The following CGAS variants were observed in gnomAD, a reference collection of about 807,000 sequenced individuals.
CGAS encodes the protein 2'3'-cGAMP synthase.
CGAS carries 31 observed loss-of-function variants against 34.0 expected under a neutral mutation model. That is an observed-to-expected ratio of 0.91 (90% CI 0.69 to 1.23). The LOEUF (loss-of-function observed/expected upper bound fraction) is 1.23. Ranked by LOEUF, CGAS falls within the 50% of genes most tolerant of loss-of-function variation. CGAS has a pLI of 0.00. For missense variants in CGAS, 597 were observed against 657.6 expected, an observed-to-expected ratio of 0.91 and a Z score of 1.01; for synonymous variants, 266 against 260.0, an observed-to-expected ratio of 1.02 and a Z score of -0.22.
At chr6:73,448,616 G>A (rs867871858) in intron 1 of CGAS, among the ~76,000 whole-genome samples, 5 of 151,976 alleles carry the variant, frequency 3.3e-5, no homozygotes, top group African/African-American at 1.2e-4. Flanking sequence ...GTCCCAGGTA[G>A]CTGGGACTAC....
rs138336535 is a variant in CGAS, at chr6:73,452,215, C to T, written c.-34G>A. On this transcript the variant is annotated 5_prime_UTR_variant, in exon 1 of 5. Transcript: ENST00000370315. ...CTTTCTGTTCCCCGAAAGAAGAATC[C>T]GTTTCAGGAAAAGGCCGCAAGAGGA... 315 of 1,568,026 alleles carry T rather than the reference C, an allele frequency of 2.0e-4. No homozygotes were observed. The African/African-American group carries it at 3.9e-3, about 19-fold the overall frequency.
At chr6:73,430,947 C>T (rs4706539) in intron 3 of CGAS, among the ~76,000 whole-genome samples, 18,432 of 151,690 alleles carry the variant, frequency 0.12, 2,024 homozygotes, top group African/African-American at 0.29. Context: ...ACTAAAAATA[C>T]AAAAATTAGC....
chr6:73,438,504 T>C (rs1174239684), intron 3 of CGAS, among the ~76,000 whole-genome samples: 1 of 152,104 alleles, frequency 6.6e-6, no homozygotes, highest in Non-Finnish European at 1.5e-5. Context: ...GAGACCATCC[T>C]GGCCAACATA....
At chr6:73,447,651 G>T (rs1386646065) in intron 1 of CGAS, among the ~76,000 whole-genome samples, 2 of 151,992 alleles carry the variant, frequency 1.3e-5, no homozygotes, top group Non-Finnish European at 2.9e-5. Flanking sequence ...CTCACAGATA[G>T]ATCATAGTGT....
chr6:73,452,178 G>A lies in CGAS; in HGVS notation c.4C>T (p.Gln2Ter). The A allele has an allele frequency of 6.2e-7, 1 of 1,600,600 alleles. No individual in the cohort carries two copies. Among genetic ancestry groups the A allele is most frequent in the East Asian group, 2.3e-5 (1 of 44,144 alleles). ...TGCATGGCCTTTCCGTGCCAAGGCTGCATGGCTGGCGCTTTCTGTTCCCCG... is the reference window on the plus strand; with the variant it reads ...TGCATGGCCTTTCCGTGCCAAGGCTACATGGCTGGCGCTTTCTGTTCCCCG... M[Q>*]PWHGKAMQRA... Residue 2 changes from glutamine (Q) to a stop codon, truncating the protein, a stop_gained, in exon 1 of 5, where the codon CAG (glutamine) becomes TAG (stop). Transcript: ENST00000370315. LOFTEE classifies it high-confidence loss of function.
chr6:73,429,771 A>G (rs1770160018), intron 3 of CGAS, among the ~76,000 whole-genome samples: 1 of 151,962 alleles, frequency 6.6e-6, no homozygotes, highest in Admixed American at 6.6e-5. Flanking sequence ...GCTTGCAGTG[A>G]GCGGAGATCG....
Position 73,425,593 on chromosome 6 carries a change from A to G in CGAS, c.1218-15T>C, listed in dbSNP as rs1770072578. The G allele has an allele frequency of 6.6e-7, 1 of 1,504,524 alleles. No homozygotes were observed. The highest frequency in any genetic ancestry group is 2.3e-5 in the East Asian group (1 of 44,340). 93.2% of individuals were successfully genotyped at this position (1,504,524 alleles called of 1,614,324 possible). A position where few individuals can be genotyped will look rare whatever the true frequency, so the allele number is the denominator to read the frequency against. ...AACAATCTTTCCTGTTGAATAAAAA[A>G]GGAAAACACTTATTTTTACTTATTT... On this transcript the variant is annotated splice_polypyrimidine_tract_variant and intron_variant, in intron 4 of 4. Coordinates refer to ENST00000370315, the MANE Select transcript of CGAS (RefSeq NM_138441.3).
rs780985384 is a variant in CGAS at position 73,445,565 on chromosome 6, A to C, written c.840T>G (p.Phe280Leu). ...ILSASKMLSK[F>L]RKIIKEEIND... ...TAATTTCTTCCTTAATGATTTTCCT[A>C]AACTTTGACAGCATCTTAGAAGCTG... Residue 280 changes from phenylalanine to leucine, a missense_variant, in exon 2 of 5, where the codon TTT becomes TTG. Physicochemically the swap from Phe to Leu is conservative, Grantham distance 22. Coordinates refer to ENST00000370315, the MANE Select transcript of CGAS (RefSeq NM_138441.3). The C allele has an allele frequency of 6.2e-7, 1 of 1,606,950 alleles. No homozygotes were observed. Among genetic ancestry groups the C allele is most frequent in the African/African-American group, 1.3e-5 (1 of 74,600 alleles).
intron 3 of CGAS, among the ~76,000 whole-genome samples, chr6:73,432,507 G>A (rs1409798850): frequency 6.6e-6 from 1 of 152,082 alleles, no homozygotes; most frequent in Non-Finnish European, 1.5e-5. Flanking sequence ...ACCCAGGCTG[G>A]AGCGCAGTGA....
chr6:73,446,478 C>T (rs6900766), intron 1 of CGAS, among the ~76,000 whole-genome samples: 7,734 of 19,250 alleles, frequency 0.4, 1,424 homozygotes, highest in East Asian at 0.6. Context: ...GTAATCCCAG[C>T]ACTTTGGGAG....
Position 73,451,993 on chromosome 6 carries a change from C to T in CGAS, c.189G>A (p.Lys63=). 1.4e-6 allele frequency: 2 copies of T among 1,477,814 alleles called. No homozygotes were observed. Among genetic ancestry groups the T allele is most frequent in the Non-Finnish European group, 1.8e-6 (2 of 1,112,736 alleles). The allele number at this position is 1,477,814 out of a possible 1,614,324, so 91.5% of individuals were successfully genotyped here. Residue 63 remains lysine, a synonymous_variant, in exon 1 of 5, where the codon AAG becomes AAA. Transcript: ENST00000370315. The part of the protein sequence containing the change: ...PARKSGSRQK[K]SAPDTQERPP... Reference sequence around the variant, plus strand: ...GCCTCTCCTGGGTGTCCGGGGCGCTCTTTTTCTGCCGGGATCCCGACTTCC... The same window carrying T: ...GCCTCTCCTGGGTGTCCGGGGCGCTTTTTTTCTGCCGGGATCCCGACTTCC...
At chr6:73,450,037 T>C (rs1469877290) in intron 1 of CGAS, among the ~76,000 whole-genome samples, 3 of 99,410 alleles carry the variant, frequency 3.0e-5, no homozygotes, top group Admixed American at 1.0e-4. Flanking sequence ...AAGAACAAAA[T>C]AAAGAGAGAG....
At chr6:73,451,465 G>A (rs369309361) in intron 1 of CGAS, 60 bp downstream of exon 1, 2 of 1,491,444 alleles carry the variant, frequency 1.3e-6, no homozygotes, top group African/African-American at 1.4e-5. Context: ...GGAAGGTAGG[G>A]ACTGCGGATT....
rs766441481 is a variant in CGAS at position 73,425,319 on chromosome 6, T to C, written c.1477A>G (p.Ser493Gly). 1.2e-6 allele frequency: 2 copies of C among 1,608,918 alleles called. No individual in the cohort carries two copies. The highest frequency in any genetic ancestry group is 1.7e-6 in the Non-Finnish European group (2 of 1,178,898). Reference protein sequence around the residue: ...YFIPEFNLFSSNLIDKRSKEF... With the variant: ...YFIPEFNLFSGNLIDKRSKEF... ...TTACTTCTTTTGTCAATTAAGTTGC[T>C]AGAGAATAGATTGAATTCAGGAATA... Residue 493 changes from serine (S) to glycine (G), a missense_variant, in exon 5 of 5, where the codon AGC becomes GGC. By Grantham distance (56) the Ser-to-Gly change is moderately conservative. Transcript: ENST00000370315.
Position 73,452,242 on chromosome 6 carries a change from G to C in CGAS, c.-61C>G. 6.6e-7 allele frequency: 1 copy of C among 1,511,066 alleles called. No individual in the cohort carries two copies. The highest frequency in any genetic ancestry group is 8.9e-7 in the Non-Finnish European group (1 of 1,128,658). 93.6% of individuals were successfully genotyped at this position (1,511,066 alleles called of 1,614,324 possible). On this transcript the variant is annotated 5_prime_UTR_variant, in exon 1 of 5. Transcript: ENST00000370315. ...TTTCAGGAAAAGGCCGCAAGAGGAA[G>C]AGCCAGCAGCAGCTGTTGGAAACCA... is the stretch of plus-strand genomic sequence containing the variant.
At chr6:73,429,312 T>C (rs1183922591) in intron 3 of CGAS, among the ~76,000 whole-genome samples, 2 of 151,614 alleles carry the variant, frequency 1.3e-5, no homozygotes, top group African/African-American at 2.4e-5. Flanking sequence ...AAAATGGGCC[T>C]AACCGAAAAA....
At chr6:73,430,807 A>G (rs146882762) in intron 3 of CGAS, among the ~76,000 whole-genome samples, 28 of 152,304 alleles carry the variant, frequency 1.8e-4, no homozygotes, top group African/African-American at 6.7e-4. Flanking sequence ...AATAGTATAA[A>G]AACTAGCAAT....
At chr6:73,445,112 T>C (rs1206032936) in intron 2 of CGAS, among the ~76,000 whole-genome samples, 1 of 152,080 alleles carries the variant, frequency 6.6e-6, no homozygotes, top group Non-Finnish European at 1.5e-5. Context: ...ATATTTGGGC[T>C]GCAAGTAAAC....
intron 4 of CGAS, 107 bp downstream of exon 4, chr6:73,428,602 G>A (rs2150809314): frequency 1.1e-6 from 1 of 951,158 alleles, no homozygotes; most frequent in East Asian, 2.6e-5. Flanking sequence ...ATCCTGCCCT[G>A]CCCCCCAGAC....
Sources: allele counts gnomAD v4.1 joint callset (sites outside exome capture counted in the v4.1 genomes callset), GRCh38; gene constraint gnomAD v4.1.1; transcripts MANE v1.5; gene names NCBI Gene and HGNC (gene_info 2026-07-23, HGNC 2026-07-21).